The following ADAMTSL1 variants were observed in gnomAD, a reference collection of about 807,000 sequenced individuals.
The protein encoded by ADAMTSL1 is ADAMTS-like protein 1.
ADAMTSL1 carries 126 observed loss-of-function variants against 201.8 expected under a neutral mutation model. The observed-to-expected ratio is 0.62, with a 90% CI of 0.54 to 0.72. The LOEUF is 0.72. Ranked by LOEUF, ADAMTSL1 falls within the 30% of genes least tolerant of loss-of-function variation. The pLI, the probability that ADAMTSL1 is intolerant of heterozygous loss-of-function variation, is 0.00. For missense variants in ADAMTSL1, 2,679 were observed against 2,277.8 expected (o/e 1.18, Z -3.59); for synonymous variants, 1,121 against 903.4 (o/e 1.24, Z -4.32).
At chr9:18,648,726 T>C (rs1054773681) in intron 7 of ADAMTSL1, among the ~76,000 whole-genome samples, 3 of 152,030 alleles carry the variant, frequency 2.0e-5, no homozygotes, top group Non-Finnish European at 4.4e-5. Flanking sequence ...CCCACTGTCT[T>C]CTGGCTTGTA....
chr9:18,850,204 A>C (rs117779368), intron 23 of ADAMTSL1, among the ~76,000 whole-genome samples: 2 of 152,226 alleles, frequency 1.3e-5, no homozygotes, highest in African/African-American at 4.8e-5. Context: ...CTTTCCTGGC[A>C]GCAGGACACA....
intron 14 of ADAMTSL1, among the ~76,000 whole-genome samples, chr9:18,707,400 A>G (rs761443176): frequency 6.6e-6 from 1 of 152,210 alleles, no homozygotes; most frequent in Non-Finnish European, 1.5e-5. Flanking sequence ...CCCTTGCCTC[A>G]GTGCATGCAA....
At chr9:18,465,301 C>A (rs1464294620) in intron 2 of ADAMTSL1, among the ~76,000 whole-genome samples, 2 of 152,214 alleles carry the variant, frequency 1.3e-5, no homozygotes, top group Non-Finnish European at 2.9e-5. Flanking sequence ...AGTCCTGCCA[C>A]CCTGTATTGC....
intron 1 of ADAMTSL1, among the ~76,000 whole-genome samples, chr9:18,124,124 C>T (rs1825633605): frequency 8.6e-6 from 1 of 116,252 alleles, no homozygotes; most frequent in Non-Finnish European, 1.6e-5. Flanking sequence ...TGCTCTGTCT[C>T]CAGTATGGAG....
intron 2 of ADAMTSL1, among the ~76,000 whole-genome samples, chr9:18,215,505 A>G (rs769750774): frequency 6.6e-6 from 1 of 152,234 alleles, no homozygotes; most frequent in Non-Finnish European, 1.5e-5. Context: ...AACTGCTGAC[A>G]TACACAGTAA....
intron 1 of ADAMTSL1, among the ~76,000 whole-genome samples, chr9:18,077,530 C>T (rs934539309): frequency 3.3e-5 from 5 of 151,978 alleles, no homozygotes; most frequent in African/African-American, 1.2e-4. Flanking sequence ...GATAAAAGGC[C>T]CCTTGGATTT....
intron 1 of ADAMTSL1, among the ~76,000 whole-genome samples, chr9:18,119,511 C>A (rs1825407857): frequency 6.6e-6 from 1 of 152,022 alleles, no homozygotes; most frequent in Non-Finnish European, 1.5e-5. Context: ...ACATGTTGGC[C>A]AGACTGGTCT....
At chr9:18,703,428 T>G (rs1275839748) in intron 13 of ADAMTSL1, among the ~76,000 whole-genome samples, 1 of 152,062 alleles carries the variant, frequency 6.6e-6, no homozygotes, top group Admixed American at 6.6e-5. Context: ...ATCTCCTGCC[T>G]TCAACAAAAG....
At chr9:18,259,306 C>T (rs1390688871) in intron 2 of ADAMTSL1, among the ~76,000 whole-genome samples, 1 of 152,060 alleles carries the variant, frequency 6.6e-6, no homozygotes, top group Non-Finnish European at 1.5e-5. Flanking sequence ...GAGCGGACCA[C>T]TTGAACCCAG....
chr9:18,691,809 T>C (rs1831235630), intron 13 of ADAMTSL1, among the ~76,000 whole-genome samples: 1 of 152,196 alleles, frequency 6.6e-6, no homozygotes, highest in Non-Finnish European at 1.5e-5. Context: ...CACTACCTCA[T>C]AGGGTTCTTC....
intron 16 of ADAMTSL1, among the ~76,000 whole-genome samples, chr9:18,756,790 G>A (rs1819800591): frequency 6.6e-6 from 1 of 152,162 alleles, no homozygotes; most frequent in Admixed American, 6.5e-5. Flanking sequence ...CCCGTTTGAG[G>A]GGAGAAACTC....
Position 18,766,778 on chromosome 9 carries a change from G to A in ADAMTSL1, c.2218-3824G>A, listed in dbSNP as rs548186332. On this transcript the variant is annotated intron_variant, in intron 16 of 28. Coordinates refer to ENST00000380548, the MANE Select transcript of ADAMTSL1 (RefSeq NM_001040272.6). ...TTATCCCATTCTTGAGGGTTCCACC[G>A]TCATGACCTAATCATCTCCCAAAAG... Among the ~76,000 whole-genome samples the A allele has an allele frequency of 1.2e-4, 18 of 152,110 alleles. 1 individual carries two copies. The highest frequency in any genetic ancestry group is 5.8e-4 in the East Asian group (3 of 5,168).
chr9:17,945,529 C>A (rs1218052547), intron 1 of ADAMTSL1, among the ~76,000 whole-genome samples: 1 of 151,838 alleles, frequency 6.6e-6, no homozygotes, highest in Non-Finnish European at 1.5e-5. Context: ...ATGTTTATTG[C>A]GGCATTATTC....
rs12340924 is a variant in ADAMTSL1 at position 18,129,645 on chromosome 9, A to C, written c.88-34217A>C. ...TGTATATGTTTATTAAGTTAATCTT[A>C]TTTAAAATGAAGTAACAAGATATTA... On this transcript the variant is annotated intron_variant, in intron 1 of 29. Transcript: ENST00000680146. Among the ~76,000 whole-genome samples the C allele has an allele frequency of 3.2e-3, 493 of 152,340 alleles. 3 individuals carry two copies. Among genetic ancestry groups the C allele is most frequent in the African/African-American group, 0.012 (480 of 41,580 alleles).
At position 18,112,191 on chromosome 9, in the gene ADAMTSL1, G is replaced by A. The variant is rs568458400; in HGVS notation, c.88-51671G>A. On this transcript the variant is annotated intron_variant, in intron 1 of 29. Coordinates refer to the ADAMTSL1 transcript ENST00000680146. ...AATGTGTACTTTTTGCAGTGCTTAG[G>A]TGGGTAGGAGAACTGGACATTGTAG... Among the ~76,000 whole-genome samples the A allele has an allele frequency of 2.0e-5, 3 of 152,218 alleles. No homozygotes were observed. The East Asian group carries it at 5.8e-4, about 29-fold the overall frequency.
intron 23 of ADAMTSL1, among the ~76,000 whole-genome samples, chr9:18,887,355 T>C (rs1406852717): frequency 6.6e-6 from 1 of 152,206 alleles, no homozygotes; most frequent in African/African-American, 2.4e-5. Context: ...TAGTCTCTGA[T>C]TGGAAAAATC....
rs148082446 is a variant in ADAMTSL1, at chr9:18,401,359, A to G, written c.208-103470A>G. Among the ~76,000 whole-genome samples the G allele has an allele frequency of 2.0e-5, 3 of 152,226 alleles. No homozygotes were observed. The East Asian group carries it at 5.8e-4, about 29-fold the overall frequency. On this transcript the variant is annotated intron_variant, in intron 2 of 29. Coordinates refer to the ADAMTSL1 transcript ENST00000680146. ...CTACTCACAGTTTCTGTTGATTCCC[A>G]CGGAGCCCAGTTCTACGTTCTGACT...
intron 1 of ADAMTSL1, among the ~76,000 whole-genome samples, chr9:17,993,702 A>G (rs1819257049): frequency 6.6e-6 from 1 of 152,174 alleles, no homozygotes; most frequent in South Asian, 2.1e-4. Flanking sequence ...ACATTTTTCT[A>G]ATACAGAGTA....
At chr9:18,195,980 GA>G (rs983259843) in intron 2 of ADAMTSL1, among the ~76,000 whole-genome samples, 1 of 151,746 alleles carries the variant, frequency 6.6e-6, no homozygotes, top group South Asian at 2.1e-4. Context: ...AAACTTAAAA[GA>G]AAAAAAACAA....
Sources: gnomAD v4.1 joint callset for allele counts (sites outside exome capture counted in the v4.1 genomes callset) on GRCh38, gnomAD v4.1.1 for gene constraint, MANE v1.5 for transcripts, NCBI Gene and HGNC (gene_info 2026-07-23, HGNC 2026-07-21) for gene names.